The following TMPRSS11E variants were observed in gnomAD, a reference collection of about 807,000 sequenced individuals.
TMPRSS11E encodes the protein transmembrane serine protease 11E, also known as transmembrane protease serine 11E.
Under a neutral mutation model 48.1 loss-of-function variants are expected in TMPRSS11E, and 38 were observed. That is an observed-to-expected ratio of 0.79 (90% CI 0.61 to 1.04). The LOEUF is 1.04. TMPRSS11E is among the 50% of genes least tolerant of loss of function. TMPRSS11E has a pLI of 0.00. For missense variants in TMPRSS11E, 530 were observed against 510.8 expected (o/e 1.04, Z -0.36); for synonymous variants, 158 against 171.9 (o/e 0.92, Z 0.63).
At chr4:68,473,279 GTTCATTTGTGT>G (rs1413369792) in intron 5 of TMPRSS11E, among the ~76,000 whole-genome samples, 2 of 152,040 alleles carry the variant, frequency 1.3e-5, no homozygotes, top group Non-Finnish European at 2.9e-5. Flanking sequence ...AGGATCTGTT[GTTCATTTGTGT>G]TTATTAGAAT....
chr4:68,469,353 C>G (rs1729003824), intron 4 of TMPRSS11E, among the ~76,000 whole-genome samples: 1 of 151,834 alleles, frequency 6.6e-6, no homozygotes, highest in South Asian at 2.1e-4. Flanking sequence ...CTATTCCATC[C>G]CTCCATTCTC....
chr4:68,484,330 A>G (rs1022563299), intron 9 of TMPRSS11E, among the ~76,000 whole-genome samples: 2 of 151,978 alleles, frequency 1.3e-5, no homozygotes, highest in Admixed American at 6.6e-5. Flanking sequence ...TTCTTGAGAC[A>G]AGGTCTTACC....
At chr4:68,466,967 C>T (rs1056238672) in intron 3 of TMPRSS11E, among the ~76,000 whole-genome samples, 5 of 152,062 alleles carry the variant, frequency 3.3e-5, no homozygotes, top group South Asian at 2.1e-4. Flanking sequence ...TTTAGCCATT[C>T]GGTCAGGTCC....
At chr4:68,459,544 A>G (rs1296309920) in intron 1 of TMPRSS11E, among the ~76,000 whole-genome samples, 1 of 152,208 alleles carries the variant, frequency 6.6e-6, no homozygotes, top group Non-Finnish European at 1.5e-5. Flanking sequence ...AAACCGAAAC[A>G]TGAAATGCAT....
chr4:68,476,083 G>T (rs902922784), intron 6 of TMPRSS11E, among the ~76,000 whole-genome samples, 178 bp from the exon 7 acceptor site: 2 of 152,164 alleles, frequency 1.3e-5, no homozygotes, highest in East Asian at 3.8e-4. Flanking sequence ...TTTACAAAAT[G>T]AACAGGAGTT....
At chr4:68,477,089 T>G (rs1729241259) in intron 7 of TMPRSS11E, among the ~76,000 whole-genome samples, 1 of 152,144 alleles carries the variant, frequency 6.6e-6, no homozygotes, top group Non-Finnish European at 1.5e-5. Context: ...CAGGGTACTT[T>G]CCATAGGTCC....
chr4:68,477,769 TAACTTGGAAGGCACAAAAA>T, intron 8 of TMPRSS11E, 141 bp downstream of exon 8: 1 of 1,085,904 alleles, frequency 9.2e-7, no homozygotes, highest in Non-Finnish European at 1.3e-6. Context: ...GTGAAGTAAA[TAACTTGGAAGGCACAAAAA>T]TTCCTTCCTG....
intron 9 of TMPRSS11E, among the ~76,000 whole-genome samples, chr4:68,482,479 T>C (rs889347062): frequency 6.6e-6 from 1 of 151,274 alleles, no homozygotes; most frequent in Non-Finnish European, 1.5e-5. Flanking sequence ...GTTGGCCAGA[T>C]GCAGTGGCTC....
chr4:68,468,824 G>T, intron 3 of TMPRSS11E, 55 bp from the exon 4 acceptor site: 1 of 1,261,436 alleles, frequency 7.9e-7, no homozygotes, highest in African/African-American at 1.5e-5. Flanking sequence ...GAATTAATTT[G>T]TGGAATTTCA....
chr4:68,474,665 C>A, intron 5 of TMPRSS11E, 58 bp from the exon 6 acceptor site: 1 of 1,494,730 alleles, frequency 6.7e-7, no homozygotes, highest in African/African-American at 1.4e-5. Flanking sequence ...TTGAAATACT[C>A]GGAGGCATAG....
intron 9 of TMPRSS11E, among the ~76,000 whole-genome samples, chr4:68,485,343 T>C (rs2603169): frequency 0.66 from 100,360 of 151,772 alleles, 33,559 homozygotes; most frequent in East Asian, 0.86. Flanking sequence ...GATGGGGTTT[T>C]GCCATGTTGG....
chr4:68,448,668 A>G (rs1348731772), intron 1 of TMPRSS11E, among the ~76,000 whole-genome samples: 1 of 151,882 alleles, frequency 6.6e-6, no homozygotes, highest in East Asian at 1.9e-4. Context: ...TTCTGAGTGT[A>G]GTCTCTAATT....
intron 5 of TMPRSS11E, among the ~76,000 whole-genome samples, chr4:68,473,722 G>A (rs1729136801): frequency 6.6e-6 from 1 of 152,122 alleles, no homozygotes; most frequent in Admixed American, 6.6e-5. Context: ...AGCCAGCCTT[G>A]TCAGTGCTAT....
In TMPRSS11E at chr4:68,489,896, T is replaced by C. The variant is rs147410624; in HGVS notation, c.1111-6747T>C. On this transcript the variant is annotated intron_variant, in intron 9 of 9. Transcript: ENST00000305363. ...CTAGAGATGTATGATATTTGGGGGATGGGCACCCATGCCATGCTCTGCTGT... is the reference window on the plus strand; with the variant it reads ...CTAGAGATGTATGATATTTGGGGGACGGGCACCCATGCCATGCTCTGCTGT... 1.1e-4 allele frequency among the ~76,000 whole-genome samples: 16 copies of C among 152,344 alleles called. No homozygotes were observed. The East Asian group carries it at 3.1e-3, about 29-fold the overall frequency.
At position 68,494,346 on chromosome 4, in the gene TMPRSS11E, A is replaced by G. The variant is rs560539836; in HGVS notation, c.1111-2297A>G. Among the ~76,000 whole-genome samples, 299 of 152,296 alleles carry G rather than the reference A, an allele frequency of 2.0e-3. 4 individuals carry two copies. The highest frequency in any genetic ancestry group is 3.3e-3 in the Admixed American group (51 of 15,300). On this transcript the variant is annotated intron_variant, in intron 9 of 9. Transcript: ENST00000305363. ...ATCATGAAATGTTGCCTGGGTTTTT[A>G]AGTTTCTCGCTCATATTATTAGGGT...
chr4:68,477,689 A>ATGG (rs776329774), intron 8 of TMPRSS11E, 61 bp downstream of exon 8: 188 of 1,571,102 alleles, frequency 1.2e-4, no homozygotes, highest in Non-Finnish European at 1.6e-4. Flanking sequence ...CATTTAAGCA[A>ATGG]TGAAATGCCA....
Position 68,477,612 on chromosome 4 carries a change from A to C in TMPRSS11E, c.951A>C (p.Gly317=), listed in dbSNP as rs752949471. The C allele has an allele frequency of 6.2e-7, 1 of 1,612,986 alleles. No individual in the cohort carries two copies. Among genetic ancestry groups the C allele is most frequent in the East Asian group, 2.2e-5 (1 of 44,866 alleles). The change falls in exon 8 of 10, where the codon GGA becomes GGC. Residue 317 remains glycine, a synonymous_variant. Transcript: ENST00000305363. ...PGDVMFVTGF[G]ALKNDGYSQN... ...ATGTGATGTTTGTGACAGGATTTGG[A>C]GCACTGAAAAATGATGGTGAGCATC... is the stretch of plus-strand genomic sequence containing the variant.
At chr4:68,489,611 G>C (rs573663806) in intron 9 of TMPRSS11E, among the ~76,000 whole-genome samples, 2 of 152,352 alleles carry the variant, frequency 1.3e-5, no homozygotes, top group South Asian at 4.1e-4. Flanking sequence ...GTGCATGCTG[G>C]TGGGCGCTCA....
At chr4:68,487,557 A>G (rs1252005450) in intron 9 of TMPRSS11E, among the ~76,000 whole-genome samples, 1 of 151,970 alleles carries the variant, frequency 6.6e-6, no homozygotes, top group African/African-American at 2.4e-5. Context: ...TAGCCAGGTA[A>G]TGGTCTTTTG....
Sources: allele counts gnomAD v4.1 joint callset (sites outside exome capture counted in the v4.1 genomes callset), GRCh38; gene constraint gnomAD v4.1.1; transcripts MANE v1.5; gene names NCBI Gene and HGNC (gene_info 2026-07-23, HGNC 2026-07-21).